Variants in SYNE2 observed in about 807,000 individuals in gnomAD.
The protein encoded by SYNE2 is nesprin-2.
Under a neutral mutation model 856.3 loss-of-function variants are expected in SYNE2, and 431 were observed. The ratio of observed to expected loss-of-function variants is 0.50; its 90% CI spans 0.47 to 0.55. SYNE2 has a LOEUF of 0.55. Ranked by LOEUF, SYNE2 falls within the 20% of genes least tolerant of loss-of-function variation. The pLI is 0.00. For missense variants in SYNE2, 8,129 were observed against 8,023.2 expected (o/e 1.01, Z -0.50); for synonymous variants, 2,923 against 2,872.3 (o/e 1.02, Z -0.56).
intron 70 of SYNE2, among the ~76,000 whole-genome samples, chr14:64,124,147 G>T (rs540861759): frequency 6.6e-6 from 1 of 152,144 alleles, no homozygotes; most frequent in East Asian, 2.0e-4. Context: ...AGAGGTTGCA[G>T]TGAGCTGAGA....
chr14:63,776,872 A>T (rs1047630341), intron 1 of SYNE2, among the ~76,000 whole-genome samples: 1 of 152,170 alleles, frequency 6.6e-6, no homozygotes, highest in African/African-American at 2.4e-5. Context: ...GAGTGCTGGG[A>T]TTACAGGTGT....
At chr14:64,142,796 A>G (rs1208107699) in intron 82 of SYNE2, among the ~76,000 whole-genome samples, 1 of 152,164 alleles carries the variant, frequency 6.6e-6, no homozygotes, top group Non-Finnish European at 1.5e-5. Context: ...AAATATTGAG[A>G]TCCTTCTACA....
chr14:63,954,879 C>T lies in SYNE2; in HGVS notation c.751C>T (p.Gln251Ter). ...GAGAGAGGCCTTCAGAATTGCAGAA[C>T]AAGAATTAAAAATCCCCAGATTGCT... ...NLREAFRIAE[Q>*]ELKIPRLLEP... is the part of the protein sequence containing the mutation. The change falls in exon 8 of 116, where the codon CAA becomes TAA. Residue 251 changes from glutamine (Q) to a stop codon, truncating the protein, a stop_gained. Transcript: ENST00000555002. LOFTEE classifies it high-confidence loss of function. The T allele has an allele frequency of 3.7e-6, 6 of 1,613,644 alleles. No individual in the cohort carries two copies. The highest frequency in any genetic ancestry group is 5.1e-6 in the Non-Finnish European group (6 of 1,179,886).
intron 1 of SYNE2, chr14:63,808,602 C>A: frequency 6.5e-6 from 1 of 152,682 alleles, no homozygotes; most frequent in Non-Finnish European, 1.5e-5. Flanking sequence ...TGGTACTGGG[C>A]ATGACCAGCT....
At position 64,062,774 on chromosome 14, in the gene SYNE2, A is replaced by T. The variant is rs1282871572; in HGVS notation, c.10091A>T (p.Tyr3364Phe). The T allele has an allele frequency of 6.2e-7, 1 of 1,613,708 alleles. No individual in the cohort carries two copies. The highest frequency in any genetic ancestry group is 1.3e-5 in the African/African-American group (1 of 74,936). ...AGGTATCTTGAGAATTACAAATGCT[A>T]TAGAAAAATGGAAGAGGATATTTAC... The part of the protein sequence containing the change: ...AERYLENYKC[Y>F]RKMEEDIYTN... The change falls in exon 50 of 116, where the codon TAT becomes TTT. Residue 3364 changes from tyrosine (Y) to phenylalanine (F), a missense_variant. Coordinates refer to ENST00000555002, the MANE Select transcript of SYNE2 (RefSeq NM_182914.3).
chr14:64,184,506 C>T (rs997903826), intron 96 of SYNE2, among the ~76,000 whole-genome samples: 6 of 152,136 alleles, frequency 3.9e-5, no homozygotes, highest in Admixed American at 2.0e-4. Flanking sequence ...GAAACCTGGC[C>T]GGGCATAACT....
chr14:63,894,250 C>T (rs2095204787), intron 1 of SYNE2, among the ~76,000 whole-genome samples: 2 of 149,890 alleles, frequency 1.3e-5, no homozygotes, highest in Non-Finnish European at 3.0e-5. Context: ...TGTGCCCAGG[C>T]TGGAATGCAG....
intron 48 of SYNE2, among the ~76,000 whole-genome samples, chr14:64,055,655 C>T (rs2097262726): frequency 6.6e-6 from 1 of 152,062 alleles, no homozygotes. Flanking sequence ...TTGTGAGCCA[C>T]CACGCCGGGC....
chr14:64,152,678 G>A lies in SYNE2; in HGVS notation c.15754G>A (p.Asp5252Asn), dbSNP rs539515898. Reference sequence around the variant, plus strand: ...GTTAGAAGATACAGCATCCCGAATTGATGAGTTATTTCAAAAGAGAAGCAG... The same window carrying A: ...GTTAGAAGATACAGCATCCCGAATTAATGAGTTATTTCAAAAGAGAAGCAG... ...PLLEDTASRIDELFQKRSSVL... is the reference protein window; with the variant it reads ...PLLEDTASRINELFQKRSSVL... Residue 5252 changes from aspartate (D) to asparagine (N), a missense_variant, in exon 85 of 116, where the codon GAT (aspartate) becomes AAT (asparagine). Coordinates refer to ENST00000555002, the MANE Select transcript of SYNE2 (RefSeq NM_182914.3). 1 of 1,614,098 alleles carries A rather than the reference G, an allele frequency of 6.2e-7. No individual in the cohort carries two copies. The highest frequency in any genetic ancestry group is 2.2e-5 in the East Asian group (1 of 44,852).
intron 6 of SYNE2, among the ~76,000 whole-genome samples, chr14:63,942,579 TCCACCTCCCA>T (rs2095937796): frequency 6.6e-6 from 1 of 152,122 alleles, no homozygotes; most frequent in Admixed American, 6.5e-5. Context: ...CACTGCAACT[TCCACCTCCCA>T]GGTTCGAGTG....
At chr14:63,943,416 A>C (rs932448333) in intron 6 of SYNE2, among the ~76,000 whole-genome samples, 2 of 152,214 alleles carry the variant, frequency 1.3e-5, no homozygotes. Flanking sequence ...AAAATAACTT[A>C]GGAAAAATAT....
chr14:63,898,069 C>A (rs1375283627), intron 1 of SYNE2, among the ~76,000 whole-genome samples: 1 of 152,170 alleles, frequency 6.6e-6, no homozygotes, highest in African/African-American at 2.4e-5. Flanking sequence ...TGAACACAGC[C>A]GCCAGCTCTT....
chr14:64,104,602 A>G (rs2097759540), intron 64 of SYNE2, among the ~76,000 whole-genome samples: 5 of 151,762 alleles, frequency 3.3e-5, no homozygotes, highest in East Asian at 1.9e-4. Flanking sequence ...GGTGCCCGCC[A>G]CCATGCCTGG....
At chr14:63,843,412 T>G (rs1431989897) in intron 1 of SYNE2, among the ~76,000 whole-genome samples, 2 of 152,172 alleles carry the variant, frequency 1.3e-5, no homozygotes, top group Admixed American at 1.3e-4. Flanking sequence ...TTATCTTGGG[T>G]TTTCTAGGTA....
intron 96 of SYNE2, among the ~76,000 whole-genome samples, chr14:64,182,198 G>A (rs1486722999): frequency 6.6e-6 from 1 of 152,010 alleles, no homozygotes; most frequent in Non-Finnish European, 1.5e-5. Context: ...GCAACACACC[G>A]CTTTTCGCAG....
At chr14:64,035,515 AT>A (rs35030710) in intron 45 of SYNE2, among the ~76,000 whole-genome samples, 2,149 of 121,658 alleles carry the variant, frequency 0.018, 34 homozygotes, top group African/African-American at 0.063. Context: ...TACATGGTAC[AT>A]TTTTTTTTTT....
intron 99 of SYNE2, among the ~76,000 whole-genome samples, chr14:64,197,885 CTTGA>C (rs905198430): frequency 1.1e-4 from 16 of 152,242 alleles, no homozygotes; most frequent in African/African-American, 3.9e-4. Context: ...CTTTATTTGC[CTTGA>C]TTGTTTTCTG....
intron 2 of SYNE2, among the ~76,000 whole-genome samples, chr14:63,936,025 C>T (rs926038540): frequency 6.6e-6 from 1 of 152,152 alleles, no homozygotes; most frequent in African/African-American, 2.4e-5. Context: ...CAGGTGCCCA[C>T]CACCATGCCT....
chr14:63,965,526 G>A (rs2096379360), intron 10 of SYNE2, among the ~76,000 whole-genome samples: 1 of 152,182 alleles, frequency 6.6e-6, no homozygotes, highest in African/African-American at 2.4e-5. Flanking sequence ...AGGAAACAAA[G>A]CAAAGGTTCC....
Sources: gnomAD v4.1 joint callset for allele counts (sites outside exome capture counted in the v4.1 genomes callset) on GRCh38, gnomAD v4.1.1 for gene constraint, MANE v1.5 for transcripts, NCBI Gene and HGNC (gene_info 2026-07-23, HGNC 2026-07-21) for gene names.